Variants in SMARCA1 observed in about 807,000 individuals in gnomAD.
SMARCA1 encodes the protein SNF2 related chromatin remodeling ATPase 1.
SMARCA1 carries 17 observed loss-of-function variants against 93.6 expected under a neutral mutation model. That is an observed-to-expected ratio of 0.18 (90% confidence interval 0.12 to 0.27). The LOEUF (loss-of-function observed/expected upper bound fraction) is 0.27. SMARCA1 is among the 10% of genes least tolerant of loss of function. SMARCA1 has a pLI of 1.00. For synonymous variants in SMARCA1, 271 were observed against 271.4 expected (o/e 1.00, Z 0.01); for missense variants, 630 against 819.0 (o/e 0.77, Z 2.82).
intron 23 of SMARCA1, among the ~76,000 whole-genome samples, chrX:129,463,901 C>G (rs1932850272): frequency 9.0e-6 from 1 of 111,580 alleles, no homozygotes; most frequent in Non-Finnish European, 1.9e-5. Context: ...TGCACCACTG[C>G]ACTCCAGCCT....
intron 9 of SMARCA1, among the ~76,000 whole-genome samples, chrX:129,501,415 C>T (rs1356301704): frequency 1.8e-5 from 2 of 109,728 alleles, no homozygotes; most frequent in African/African-American, 6.7e-5. Context: ...CCTGCCTTAG[C>T]CTCCCAAGTA....
At chrX:129,465,323 GTAT>G (rs1475973695) in intron 23 of SMARCA1, among the ~76,000 whole-genome samples, 194 bp downstream of exon 23, 30 of 111,494 alleles carry the variant, frequency 2.7e-4, no homozygotes, top group African/African-American at 9.8e-4. Flanking sequence ...AGATGTCCCC[GTAT>G]TTTTTAATAC....
chrX:129,482,618 A>AT (rs765252237), intron 17 of SMARCA1, among the ~76,000 whole-genome samples: 1 of 112,243 alleles, frequency 8.9e-6, no homozygotes, highest in African/African-American at 3.2e-5. Context: ...ATGTGAAAGC[A>AT]TTAAGTAAAC....
rs1376486792 is a variant in SMARCA1, at chrX:129,496,807, C to T, written c.1569G>A (p.Met523Ile). ...RLLDILEDYCMWRGYEYCRLD... is the reference protein window; with the variant it reads ...RLLDILEDYCIWRGYEYCRLD... ...GTCGACAATACTCATAACCACGCCA[C>T]ATGCAATAATCTTCCAAAATATCCA... is the stretch of plus-strand genomic sequence containing the variant. Residue 523 changes from methionine (M) to isoleucine (I), a missense_variant, in exon 12 of 25, where the codon ATG (methionine) becomes ATA (isoleucine). Met to Ile is a conservative substitution (Grantham distance 10, BLOSUM62 1). Transcript: ENST00000371121. 2 of 1,204,054 alleles carry T rather than the reference C, an allele frequency of 1.7e-6. No homozygotes were observed. Among genetic ancestry groups the T allele is most frequent in the South Asian group, 3.5e-5 (2 of 56,734 alleles).
intron 23 of SMARCA1, among the ~76,000 whole-genome samples, chrX:129,462,233 C>T (rs1405536346): frequency 8.9e-6 from 1 of 112,085 alleles, no homozygotes; most frequent in Non-Finnish European, 1.9e-5. Context: ...CATTTGAACA[C>T]AGTGACACAC....
intron 16 of SMARCA1, among the ~76,000 whole-genome samples, chrX:129,487,658 C>G (rs1208003321): frequency 8.9e-6 from 1 of 112,156 alleles, no homozygotes; most frequent in Non-Finnish European, 1.9e-5. Context: ...AAAAGGCAAA[C>G]AACCTAGTCT....
intron 20 of SMARCA1, among the ~76,000 whole-genome samples, chrX:129,470,254 G>A (rs1933053913): frequency 9.0e-6 from 1 of 110,991 alleles, no homozygotes; most frequent in Non-Finnish European, 1.9e-5. Flanking sequence ...CTTCTATGCT[G>A]AAATTTTTAT....
chrX:129,458,626 G>C (rs1426032709), intron 23 of SMARCA1, among the ~76,000 whole-genome samples: 3 of 112,233 alleles, frequency 2.7e-5, no homozygotes, highest in African/African-American at 9.7e-5. Flanking sequence ...GAAAGCATCA[G>C]TAGACTTGAA....
At chrX:129,500,421 C>T (rs1934514713) in intron 9 of SMARCA1, among the ~76,000 whole-genome samples, 1 of 112,622 alleles carries the variant, frequency 8.9e-6, no homozygotes, top group Non-Finnish European at 1.9e-5. Context: ...CCACCTTGGC[C>T]TCCCAAAGTG....
chrX:129,468,162 TA>T (rs1464286868), intron 21 of SMARCA1, among the ~76,000 whole-genome samples: 1 of 112,093 alleles, frequency 8.9e-6, no homozygotes. Flanking sequence ...CCAGTAAGTG[TA>T]AAAAAAATCC....
At chrX:129,456,580 C>A (rs772198928) in intron 23 of SMARCA1, among the ~76,000 whole-genome samples, 2 of 112,207 alleles carry the variant, frequency 1.8e-5, no homozygotes, top group East Asian at 5.6e-4. Flanking sequence ...TAAGAACATT[C>A]GTGATTTATG....
intron 23 of SMARCA1, among the ~76,000 whole-genome samples, chrX:129,460,764 CTGTCATTTTTCTAAAGTATCTGTAAAGAA>C (rs1223275369): frequency 9.0e-6 from 1 of 111,554 alleles, no homozygotes; most frequent in Non-Finnish European, 1.9e-5. Context: ...TTTAATTTGA[CTGTCATTTTTCTAAAGTATCTGTAAAGAA>C]AATCCATTTC....
At position 129,523,200 on chromosome X, in the gene SMARCA1, C is replaced by T. The variant is rs1400776692; in HGVS notation, c.171G>A (p.Lys57=). The part of the protein sequence containing the change: ...TAATEKGEKK[K]EKNVSSFQLK... ...CACACACCCCCTTCCTATTTACCTC[C>T]TTCTTCTTCTCGCCCTTCTCCGTGG... The change falls in exon 1 of 25, where the codon AAG becomes AAA. Residue 57 remains lysine (K), a synonymous_variant. Coordinates refer to ENST00000371121, the MANE Select transcript of SMARCA1 (RefSeq NM_001282874.2). The T allele has an allele frequency of 8.3e-7, 1 of 1,210,895 alleles. No homozygotes were observed. The highest frequency in any genetic ancestry group is 1.1e-6 in the Non-Finnish European group (1 of 894,798).
intron 6 of SMARCA1, among the ~76,000 whole-genome samples, chrX:129,508,926 G>A (rs978916363): frequency 4.5e-5 from 5 of 110,081 alleles, no homozygotes; most frequent in African/African-American, 1.3e-4. Context: ...GGTGGCTCAC[G>A]CCTGTAATGT....
intron 24 of SMARCA1, among the ~76,000 whole-genome samples, chrX:129,447,761 G>A (rs1004972271): frequency 9.0e-6 from 1 of 111,512 alleles, no homozygotes; most frequent in African/African-American, 3.3e-5. Flanking sequence ...TAGATTCGAT[G>A]AAATATGGCA....
rs143521575 is a variant in SMARCA1, at chrX:129,453,498, A to G, written c.3031-5055T>C. On this transcript the variant is annotated intron_variant, in intron 23 of 24. Transcript: ENST00000371121. ...ACGGTATTCAAATAGGAAGAAAGGA[A>G]GTCAAATTGTCTGTTTGCAGATGAC... is the stretch of plus-strand genomic sequence containing the variant. Among the ~76,000 whole-genome samples the G allele has an allele frequency of 9.9e-3, 1,113 of 112,184 alleles. 9 individuals carry two copies. The highest frequency in any genetic ancestry group is 0.034 in the African/African-American group (1,058 of 30,907).
intron 2 of SMARCA1, among the ~76,000 whole-genome samples, chrX:129,518,121 T>G (rs193138673): frequency 8.3e-4 from 93 of 111,745 alleles, no homozygotes; most frequent in African/African-American, 2.7e-3. Flanking sequence ...AAATGAGATG[T>G]GACTTCTAGT....
intron 23 of SMARCA1, among the ~76,000 whole-genome samples, chrX:129,463,849 A>C (rs1291803430): frequency 9.0e-6 from 1 of 111,329 alleles, no homozygotes; most frequent in African/African-American, 3.3e-5. Context: ...AGACATGAGA[A>C]TTGCTTGAAC....
At position 129,502,951 on chromosome X, in the gene SMARCA1, A is replaced by G. The variant is rs756021230; in HGVS notation, c.1167+1783T>C. Among the ~76,000 whole-genome samples, 7 of 112,398 alleles carry G rather than the reference A, an allele frequency of 6.2e-5. No individual in the cohort carries two copies. In the South Asian group the frequency reaches 2.6e-3, roughly 42 times the overall value. On this transcript the variant is annotated intron_variant, in intron 9 of 24. Coordinates refer to ENST00000371121, the MANE Select transcript of SMARCA1 (RefSeq NM_001282874.2). ...GGAAGAGATGAGATCAAGGATTCAC[A>G]TGGAAGAATTAGCCACTGACCAGAG...
Sources: allele counts gnomAD v4.1 joint callset (sites outside exome capture counted in the v4.1 genomes callset), GRCh38; gene constraint gnomAD v4.1.1; transcripts MANE v1.5; gene names NCBI Gene and HGNC (gene_info 2026-07-23, HGNC 2026-07-21).